Variants in NKAIN2 observed in about 807,000 individuals in gnomAD.
NKAIN2 encodes the protein sodium/potassium transporting ATPase interacting 2.
Under a neutral mutation model 32.6 loss-of-function variants are expected in NKAIN2, and 14 were observed. The observed-to-expected ratio is 0.43, with a 90% CI of 0.28 to 0.67. NKAIN2 has a LOEUF of 0.67. Ranked by LOEUF, NKAIN2 falls within the 30% of genes least tolerant of loss-of-function variation. The probability of loss-of-function intolerance (pLI) is 0.17; values close to 1 mark genes in which losing one functional copy is unlikely to be tolerated. For synonymous variants in NKAIN2, 80 were observed against 87.2 expected (o/e 0.92, Z 0.46); for missense variants, 198 against 258.3 (o/e 0.77, Z 1.60).
chr6:124,301,907 A>G (rs1025493861), intron 2 of NKAIN2, among the ~76,000 whole-genome samples: 7 of 152,168 alleles, frequency 4.6e-5, no homozygotes, highest in African/African-American at 1.7e-4. Flanking sequence ...TTAATGCTGA[A>G]ATGAGTTAAC....
At chr6:124,805,907 A>G (rs1475075290) in intron 5 of NKAIN2, among the ~76,000 whole-genome samples, 2 of 152,252 alleles carry the variant, frequency 1.3e-5, no homozygotes, top group African/African-American at 4.8e-5. Flanking sequence ...AGATGAAATG[A>G]ATGAAATGAA....
intron 1 of NKAIN2, among the ~76,000 whole-genome samples, chr6:124,037,984 A>T (rs1781680937): frequency 1.3e-5 from 2 of 152,150 alleles, no homozygotes; most frequent in African/African-American, 4.8e-5. Flanking sequence ...GAATGGATAA[A>T]CATTAAAGTA....
intron 3 of NKAIN2, among the ~76,000 whole-genome samples, chr6:124,643,336 A>G (rs1393144441): frequency 1.3e-5 from 2 of 152,172 alleles, no homozygotes; most frequent in African/African-American, 4.8e-5. Flanking sequence ...TTGTATATCT[A>G]TAGTTTTGAT....
At chr6:124,810,281 C>T (rs1237601786) in intron 5 of NKAIN2, among the ~76,000 whole-genome samples, 1 of 151,790 alleles carries the variant, frequency 6.6e-6, no homozygotes. Context: ...GGCACATATA[C>T]ACCATGGAAT....
intron 1 of NKAIN2, among the ~76,000 whole-genome samples, chr6:123,962,578 T>G (rs1421162849): frequency 6.6e-6 from 1 of 152,202 alleles, no homozygotes; most frequent in Non-Finnish European, 1.5e-5. Context: ...CCTTCATTAA[T>G]GGCTGGCAAG....
In NKAIN2 at chr6:124,000,972, G is replaced by A. The variant is rs374529553; in HGVS notation, c.54+196718G>A. On this transcript the variant is annotated intron_variant, in intron 1 of 6. Transcript: ENST00000368417. ...GTGTAAAAGCTTGTTCACCATTGAC[G>A]TGAATGGTAGATCACCAACACTCAC... is the stretch of plus-strand genomic sequence containing the variant. 3.9e-4 allele frequency among the ~76,000 whole-genome samples: 60 copies of A among 152,042 alleles called. No homozygotes were observed. In the South Asian group the frequency reaches 7.3e-3, roughly 18 times the overall value.
At chr6:123,855,299 A>G (rs926246245) in intron 1 of NKAIN2, among the ~76,000 whole-genome samples, 3 of 152,216 alleles carry the variant, frequency 2.0e-5, no homozygotes, top group Non-Finnish European at 4.4e-5. Flanking sequence ...GCAAACAGTG[A>G]AAAATATTCT....
At chr6:124,263,954 T>C (rs991997596) in intron 1 of NKAIN2, among the ~76,000 whole-genome samples, 4 of 152,184 alleles carry the variant, frequency 2.6e-5, no homozygotes, top group African/African-American at 9.7e-5. Context: ...ACCTATCAGA[T>C]AAATTTTCAG....
chr6:124,610,015 T>A (rs1354022687), intron 3 of NKAIN2, among the ~76,000 whole-genome samples: 1 of 152,172 alleles, frequency 6.6e-6, no homozygotes, highest in Non-Finnish European at 1.5e-5. Flanking sequence ...AAACACAGTG[T>A]AGTGTTAATT....
intron 3 of NKAIN2, among the ~76,000 whole-genome samples, chr6:124,604,192 G>T (rs892940052): frequency 2.0e-5 from 3 of 151,926 alleles, no homozygotes; most frequent in African/African-American, 7.2e-5. Flanking sequence ...CCTGGACAAG[G>T]CCTACAAACA....
intron 3 of NKAIN2, among the ~76,000 whole-genome samples, chr6:124,366,664 C>T (rs542883247): frequency 8.5e-5 from 13 of 152,076 alleles, no homozygotes; most frequent in South Asian, 8.3e-4. Context: ...AGGCCAGGCA[C>T]GGTGGCTCAT....
chr6:123,804,025 C>A lies in NKAIN2; in HGVS notation c.-176C>A. 1.5e-6 allele frequency: 1 copy of A among 645,744 alleles called. No individual in the cohort carries two copies. Among genetic ancestry groups the A allele is most frequent in the Non-Finnish European group, 2.7e-6 (1 of 363,848 alleles). The allele number at this position is 645,744 out of a possible 1,614,324, so 40.0% of individuals were successfully genotyped here. A position where few individuals can be genotyped will look rare whatever the true frequency, so the allele number is the denominator to read the frequency against. On this transcript the variant is annotated 5_prime_UTR_variant, in exon 1 of 7. Transcript: ENST00000368417. Reference sequence around the variant, plus strand: ...CTGGAGCTGCCGCCGCCGCCGCCGCCGCGCCAGCAGGTCCTAATGCCTGTC... The same window carrying A: ...CTGGAGCTGCCGCCGCCGCCGCCGCAGCGCCAGCAGGTCCTAATGCCTGTC...
chr6:123,945,270 C>A (rs1207879953), intron 1 of NKAIN2, among the ~76,000 whole-genome samples: 1 of 152,018 alleles, frequency 6.6e-6, no homozygotes, highest in Admixed American at 6.6e-5. Context: ...CAGCTACTTC[C>A]AATGTTGAGG....
At chr6:124,734,061 G>GCACA (rs61526747) in intron 4 of NKAIN2, among the ~76,000 whole-genome samples, 25,921 of 145,080 alleles carry the variant, frequency 0.18, 2,516 homozygotes, top group African/African-American at 0.22. Flanking sequence ...ATGAGGAAAT[G>GCACA]CACACACACA....
chr6:124,501,471 C>T (rs902627349), intron 3 of NKAIN2, among the ~76,000 whole-genome samples: 11 of 152,164 alleles, frequency 7.2e-5, no homozygotes, highest in Admixed American at 6.5e-5. Context: ...AAAAACATTT[C>T]GCGGTGTTAA....
At chr6:124,691,536 C>T (rs1251967615) in intron 4 of NKAIN2, among the ~76,000 whole-genome samples, 7 of 152,142 alleles carry the variant, frequency 4.6e-5, no homozygotes, top group Admixed American at 2.0e-4. Flanking sequence ...CCCCGCCCCA[C>T]GTGTTGTCTC....
chr6:123,879,177 G>A (rs931103762), intron 1 of NKAIN2, among the ~76,000 whole-genome samples: 3 of 152,124 alleles, frequency 2.0e-5, no homozygotes, highest in African/African-American at 7.2e-5. Flanking sequence ...AACTGTTGGG[G>A]CTAGAAAGTC....
At chr6:124,344,848 G>A (rs1798324513) in intron 2 of NKAIN2, among the ~76,000 whole-genome samples, 1 of 152,078 alleles carries the variant, frequency 6.6e-6, no homozygotes, top group African/African-American at 2.4e-5. Flanking sequence ...TGATTGCCCT[G>A]GCCAGAACTT....
At chr6:124,097,489 C>A (rs1410093941) in intron 1 of NKAIN2, among the ~76,000 whole-genome samples, 1 of 151,236 alleles carries the variant, frequency 6.6e-6, no homozygotes, top group Non-Finnish European at 1.5e-5. Flanking sequence ...AAGATATTTC[C>A]AAATTAGATA....
Sources: allele counts gnomAD v4.1 joint callset (sites outside exome capture counted in the v4.1 genomes callset), GRCh38; gene constraint gnomAD v4.1.1; transcripts MANE v1.5; gene names NCBI Gene and HGNC (gene_info 2026-07-23, HGNC 2026-07-21).